The following ACACB variants were observed in gnomAD, a reference collection of about 807,000 sequenced individuals.
ACACB encodes the protein acetyl-CoA carboxylase 2.
ACACB carries 209 observed loss-of-function variants against 278.8 expected under a neutral mutation model. The observed-to-expected ratio is 0.75, with a 90% CI of 0.67 to 0.84. The LOEUF (loss-of-function observed/expected upper bound fraction) is 0.84, where lower values mean the gene tolerates loss of function less well. Among genes scored for constraint, ACACB ranks in the 40% least tolerant of loss-of-function variants. ACACB has a pLI of 0.00. For missense variants in ACACB, 2,850 were observed against 3,269.0 expected (o/e 0.87, Z 3.13); for synonymous variants, 1,174 against 1,285.6 (o/e 0.91, Z 1.86).
rs1349705229 is a variant in ACACB, at chr12:109,167,632, T to TAA, written c.787-263_787-262insAA. Reference sequence around the variant, plus strand: ...AAATATATGTATGTGTATATATATATATATATATATATATATATATATTTC... The same window carrying TAA: ...AAATATATGTATGTGTATATATATATAAATATATATATATATATATATATTTC... On this transcript the variant is annotated intron_variant, in intron 3 of 52. Coordinates refer to ENST00000338432, the MANE Select transcript of ACACB (RefSeq NM_001093.4). Among the ~76,000 whole-genome samples the TAA allele has an allele frequency of 1.6e-5, 2 of 128,042 alleles. 1 individual carries two copies. The highest frequency in any genetic ancestry group is 3.2e-5 in the Non-Finnish European group (2 of 62,138). The allele number at this position is 128,042 out of a possible 152,430, so 84.0% of individuals were successfully genotyped here. A position where few individuals can be genotyped will look rare whatever the true frequency, so the allele number is the denominator to read the frequency against.
intron 41 of ACACB, among the ~76,000 whole-genome samples, chr12:109,251,639 C>T (rs1371672611): frequency 6.6e-6 from 1 of 152,180 alleles, no homozygotes; most frequent in Non-Finnish European, 1.5e-5. Context: ...AGGAAACTGA[C>T]ATTGGCACAA....
Position 109,167,598 on chromosome 12 carries a change from C to CA in ACACB, c.787-287dup, listed in dbSNP as rs1203730740. ...TGGGTGACAGAGCAAGACTCTGTCTCAAAAAAAAAAATATATGTATGTGTA... is the reference window on the plus strand; with the variant it reads ...TGGGTGACAGAGCAAGACTCTGTCTCAAAAAAAAAAAATATATGTATGTGTA... On this transcript the variant is annotated intron_variant, in intron 3 of 52. Transcript: ENST00000338432. Among the ~76,000 whole-genome samples, 304 of 76,494 alleles carry CA rather than the reference C, an allele frequency of 4.0e-3. 1 individual carries two copies. The highest frequency in any genetic ancestry group is 7.5e-3 in the Middle Eastern group (1 of 134). The allele number at this position is 76,494 out of a possible 152,430, so 50.2% of individuals were successfully genotyped here.
intron 27 of ACACB, among the ~76,000 whole-genome samples, chr12:109,226,963 T>A (rs2046330131): frequency 6.6e-6 from 1 of 152,074 alleles, no homozygotes; most frequent in African/African-American, 2.4e-5. Context: ...TTTTTTTTTT[T>A]TAATTGAGGA....
intron 12 of ACACB, 64 bp from the exon 13 acceptor site, chr12:109,187,935 T>G: frequency 1.9e-6 from 3 of 1,548,408 alleles, no homozygotes; most frequent in Non-Finnish European, 2.6e-6. Flanking sequence ...CAGGACTGAA[T>G]TCTGATGAAA....
chr12:109,213,347 A>G (rs2045902356), intron 22 of ACACB, among the ~76,000 whole-genome samples: 1 of 152,104 alleles, frequency 6.6e-6, no homozygotes. Context: ...TACAGGCCTG[A>G]GCCACCATGT....
At chr12:109,193,627 C>T in intron 15 of ACACB, 21 bp from the exon 16 acceptor site, 1 of 1,599,564 alleles carries the variant, frequency 6.3e-7, no homozygotes, top group Non-Finnish European at 8.6e-7. Flanking sequence ...AGGCTGACCA[C>T]AACCCTGTCT....
chr12:109,188,219 T>A, intron 13 of ACACB, 57 bp downstream of exon 13: 1 of 1,369,086 alleles, frequency 7.3e-7, no homozygotes, highest in Non-Finnish European at 9.8e-7. Context: ...CCTTCCTTCC[T>A]TCCTTCCTTC....
Position 109,265,202 on chromosome 12 carries a change from G to A in ACACB, c.7035G>A (p.Gln2345=), listed in dbSNP as rs1306719574. ...ACCAGGTCAAGCAGGAGATCCTGCAGGCCAGCGGGGAGCTGAGTCACGTGC... is the reference window on the plus strand; with the variant it reads ...ACCAGGTCAAGCAGGAGATCCTGCAAGCCAGCGGGGAGCTGAGTCACGTGC... The part of the protein sequence containing the change: ...LEDQVKQEIL[Q]ASGELSHVHI... Residue 2345 remains glutamine, a synonymous_variant, in exon 51 of 53, where the codon CAG becomes CAA. Transcript: ENST00000338432. 2 of 1,613,770 alleles carry A rather than the reference G, an allele frequency of 1.2e-6. No homozygotes were observed. Among genetic ancestry groups the A allele is most frequent in the Admixed American group, 3.3e-5 (2 of 60,022 alleles).
Position 109,204,775 on chromosome 12 carries a change from C to T in ACACB, c.2914-1935C>T, listed in dbSNP as rs2045447379. The stretch of plus-strand genomic sequence containing the variant: ...ATTTGTCTTTCTGCCCAGCTTATTT[C>T]ACTTAATGTAATATCCTCCAGTTCC... On this transcript the variant is annotated intron_variant, in intron 19 of 52. Transcript: ENST00000338432. Among the ~76,000 whole-genome samples, 3 of 152,180 alleles carry T rather than the reference C, an allele frequency of 2.0e-5. No individual in the cohort carries two copies. In the South Asian group the frequency reaches 6.2e-4, roughly 32 times the overall value.
At chr12:109,244,425 T>C (rs1432282800) in intron 37 of ACACB, among the ~76,000 whole-genome samples, 1 of 152,186 alleles carries the variant, frequency 6.6e-6, no homozygotes, top group Non-Finnish European at 1.5e-5. Flanking sequence ...CCAAAAGTTG[T>C]TGGAAAAGTG....
At chr12:109,215,011 G>A (rs2045952055) in intron 22 of ACACB, among the ~76,000 whole-genome samples, 1 of 151,930 alleles carries the variant, frequency 6.6e-6, no homozygotes, top group African/African-American at 2.4e-5. Context: ...TGAGAGGATT[G>A]CTTGAGCCCG....
At chr12:109,220,305 T>G (rs551955913) in intron 24 of ACACB, among the ~76,000 whole-genome samples, 71 of 152,250 alleles carry the variant, frequency 4.7e-4, no homozygotes, top group Non-Finnish European at 8.8e-4. Context: ...GTGAGTTCTC[T>G]GCACCTGATG....
chr12:109,235,348 C>T lies in ACACB; in HGVS notation c.4383C>T (p.Ile1461=). ...TTGTGGATTATGGACTCCGACGAAT[C>T]ACATTCTTGATTGCCCAAGAGGTTA... ...NILVDYGLRR[I]TFLIAQEKEF... is the part of the protein sequence containing the mutation. Residue 1461 remains isoleucine (I), a synonymous_variant, in exon 32 of 53, where the codon ATC becomes ATT. Coordinates refer to ENST00000338432, the MANE Select transcript of ACACB (RefSeq NM_001093.4). 6.2e-7 allele frequency: 1 copy of T among 1,614,102 alleles called. No homozygotes were observed. Among genetic ancestry groups the T allele is most frequent in the Non-Finnish European group, 8.5e-7 (1 of 1,179,944 alleles).
At chr12:109,118,110 A>G (rs747322441) in intron 1 of ACACB, among the ~76,000 whole-genome samples, 1 of 152,270 alleles carries the variant, frequency 6.6e-6, no homozygotes, top group East Asian at 1.9e-4. Flanking sequence ...TCTTTACAAG[A>G]TTTCTTTTTA....
chr12:109,188,171 CTCCTTCCTT>C lies in ACACB; in HGVS notation c.2144+10_2144+18del. The C allele has an allele frequency of 1.5e-6, 2 of 1,337,388 alleles. 1 individual carries two copies. Among genetic ancestry groups the C allele is most frequent in the Non-Finnish European group, 2.0e-6 (2 of 999,030 alleles). The allele number at this position is 1,337,388 out of a possible 1,614,324, so 82.8% of individuals were successfully genotyped here. A position where few individuals can be genotyped will look rare whatever the true frequency, so the allele number is the denominator to read the frequency against. The stretch of plus-strand genomic sequence containing the variant: ...CGGGAAGAGGCCATTTCGTCAGTAT[CTCCTTCCTT>C]CCTTCCTTCCTTCCTTCCTTCCTTC... On this transcript the variant is annotated intron_variant, in intron 13 of 52. Transcript: ENST00000338432.
chr12:109,162,617 C>T (rs1329566945), intron 2 of ACACB, among the ~76,000 whole-genome samples: 4 of 152,152 alleles, frequency 2.6e-5, no homozygotes, highest in African/African-American at 9.7e-5. Flanking sequence ...GGCATGGGGC[C>T]TGTATCCCAA....
At chr12:109,124,258 C>T (rs1024819025) in intron 1 of ACACB, among the ~76,000 whole-genome samples, 2 of 152,126 alleles carry the variant, frequency 1.3e-5, no homozygotes, top group Non-Finnish European at 2.9e-5. Context: ...TAATCAGCAA[C>T]TCCCTTTATT....
Position 109,210,235 on chromosome 12 carries a change from A to G in ACACB, c.3249+882A>G, listed in dbSNP as rs994831969. Reference sequence around the variant, plus strand: ...TATATACACACATGTGTGTATATGTATATATGTATATATACACACATGTGT... The same window carrying G: ...TATATACACACATGTGTGTATATGTGTATATGTATATATACACACATGTGT... On this transcript the variant is annotated intron_variant, in intron 21 of 52. Transcript: ENST00000338432. Among the ~76,000 whole-genome samples, 16 of 21,092 alleles carry G rather than the reference A, an allele frequency of 7.6e-4. 3 individuals carry two copies. The highest frequency in any genetic ancestry group is 2.4e-3 in the African/African-American group (10 of 4,240). 13.8% of individuals were successfully genotyped at this position (21,092 alleles called of 152,430 possible).
At position 109,264,360 on chromosome 12, in the gene ACACB, C is replaced by T. The variant is rs985569218; in HGVS notation, c.6916C>T (p.Arg2306Trp). 21 of 1,613,550 alleles carry T rather than the reference C, an allele frequency of 1.3e-5. No homozygotes were observed. Among genetic ancestry groups the T allele is most frequent in the African/African-American group, 9.4e-5 (7 of 74,790 alleles). Residue 2306 changes from arginine (R) to tryptophan (W), a missense_variant, in exon 50 of 53, where the codon CGG (arginine) becomes TGG (tryptophan). Transcript: ENST00000338432. Reference protein sequence around the residue: ...QFADFHDTPGRMLEKGVISDI... With the variant: ...QFADFHDTPGWMLEKGVISDI... ...CGCCGACTTCCATGACACACCCGGC[C>T]GGATGCTGGAGAAGGGCGTCATATC...
Sources: gnomAD v4.1 joint callset for allele counts (sites outside exome capture counted in the v4.1 genomes callset) on GRCh38, gnomAD v4.1.1 for gene constraint, MANE v1.5 for transcripts, NCBI Gene and HGNC (gene_info 2026-07-23, HGNC 2026-07-21) for gene names.